The following CD44 variants were observed in gnomAD, a reference collection of about 807,000 sequenced individuals.
The protein encoded by CD44 is CD44 molecule (IN blood group).
A neutral mutation model predicts 88.8 loss-of-function variants in CD44; 49 were observed. That is an observed-to-expected ratio of 0.55 (90% CI 0.44 to 0.70). The LOEUF is 0.70. CD44 is among the 30% of genes least tolerant of loss of function. The pLI is 0.00. For synonymous variants in CD44, 325 were observed against 312.3 expected, an observed-to-expected ratio of 1.04 and a Z score of -0.43; for missense variants, 883 against 913.8, an observed-to-expected ratio of 0.97 and a Z score of 0.43.
intron 7 of CD44, among the ~76,000 whole-genome samples, chr11:35,199,870 C>CA (rs1947121569): frequency 6.8e-6 from 1 of 147,916 alleles, no homozygotes; most frequent in Non-Finnish European, 1.5e-5. Flanking sequence ...GGTGGTAACC[C>CA]AAACAGATCT....
chr11:35,201,737 T>C lies in CD44; in HGVS notation c.1103T>C (p.Ile368Thr), dbSNP rs781745139. ...AACCCAGAAGCACACCCTCCCCTCATTCACCATGAGCATCATGAGGAAGAA... is the reference window on the plus strand; with the variant it reads ...AACCCAGAAGCACACCCTCCCCTCACTCACCATGAGCATCATGAGGAAGAA... ...NWNPEAHPPL[I>T]HHEHHEEEET... The change falls in exon 9 of 18, where the codon ATT becomes ACT. Residue 368 changes from isoleucine (I) to threonine (T), a missense_variant. Transcript: ENST00000428726. 6.2e-7 allele frequency: 1 copy of C among 1,613,762 alleles called. No homozygotes were observed. Among genetic ancestry groups the C allele is most frequent in the Non-Finnish European group, 8.5e-7 (1 of 1,179,734 alleles).
At chr11:35,144,319 G>T (rs1858647969) in intron 1 of CD44, among the ~76,000 whole-genome samples, 1 of 152,212 alleles carries the variant, frequency 6.6e-6, no homozygotes, top group Admixed American at 6.5e-5. Flanking sequence ...GAAAGAATGA[G>T]CTGAAGCAGG....
At chr11:35,142,601 A>G (rs1858217402) in intron 1 of CD44, among the ~76,000 whole-genome samples, 1 of 152,208 alleles carries the variant, frequency 6.6e-6, no homozygotes, top group East Asian at 1.9e-4. Flanking sequence ...TCCCATGTGA[A>G]GGAGCAAAGA....
At chr11:35,153,474 C>G (rs913841641) in intron 1 of CD44, among the ~76,000 whole-genome samples, 1 of 152,194 alleles carries the variant, frequency 6.6e-6, no homozygotes, top group Admixed American at 6.5e-5. Flanking sequence ...TGACCTTTGA[C>G]TTGCCCAGAC....
chr11:35,150,869 G>A (rs1860185177), intron 1 of CD44, among the ~76,000 whole-genome samples: 1 of 152,212 alleles, frequency 6.6e-6, no homozygotes, highest in Admixed American at 6.5e-5. Flanking sequence ...ATAAGATGGT[G>A]ACAAACTGAC....
At chr11:35,198,811 T>G (rs1281040078) in intron 7 of CD44, among the ~76,000 whole-genome samples, 1 of 151,986 alleles carries the variant, frequency 6.6e-6, no homozygotes, top group Non-Finnish European at 1.5e-5. Context: ...ACCCCATCTC[T>G]ACTAAAAAAT....
intron 9 of CD44, among the ~76,000 whole-genome samples, chr11:35,204,285 C>A (rs1316177367): frequency 6.6e-6 from 1 of 152,088 alleles, no homozygotes; most frequent in Non-Finnish European, 1.5e-5. Flanking sequence ...TGATTTTGAA[C>A]AAATCAAAAC....
chr11:35,142,098 G>C (rs1402066430), intron 1 of CD44, among the ~76,000 whole-genome samples: 2 of 152,162 alleles, frequency 1.3e-5, no homozygotes, highest in African/African-American at 4.8e-5. Flanking sequence ...TGTGCAGGAG[G>C]AAGAAAGTGG....
intron 9 of CD44, 55 bp from the exon 10 acceptor site, chr11:35,204,457 G>T: frequency 6.3e-7 from 1 of 1,578,040 alleles, no homozygotes; most frequent in South Asian, 1.1e-5. Context: ...TATGTTGACA[G>T]CTATTGGTGA....
Position 35,219,830 on chromosome 11 carries a change from A to C in CD44, c.1945+443A>C, listed in dbSNP as rs186300812. The stretch of plus-strand genomic sequence containing the variant: ...GAGCTACAAGAGGCATTTATGTTAG[A>C]TGGAGTGAAAACTTTCTTTTGGTTC... On this transcript the variant is annotated intron_variant, in intron 16 of 17. Transcript: ENST00000428726. Among the ~76,000 whole-genome samples, 424 of 152,036 alleles carry C rather than the reference A, an allele frequency of 2.8e-3. 1 individual carries two copies. Among genetic ancestry groups the C allele is most frequent in the African/African-American group, 9.7e-3 (404 of 41,452 alleles).
chr11:35,179,461 G>A (rs1258828289), intron 2 of CD44, among the ~76,000 whole-genome samples: 1 of 152,148 alleles, frequency 6.6e-6, no homozygotes, highest in Non-Finnish European at 1.5e-5. Flanking sequence ...AGGCTGGGCT[G>A]TGTATGTTGT....
intron 4 of CD44, among the ~76,000 whole-genome samples, chr11:35,188,781 T>C (rs1945968084): frequency 6.6e-6 from 1 of 151,822 alleles, no homozygotes; most frequent in African/African-American, 2.4e-5. Context: ...CAACTAAAAA[T>C]ACAAAAATTA....
Position 35,164,002 on chromosome 11 carries a change from C to T in CD44, c.68-12573C>T, listed in dbSNP as rs149162965. Among the ~76,000 whole-genome samples the T allele has an allele frequency of 5.0e-3, 753 of 152,056 alleles. 4 individuals carry two copies. Among genetic ancestry groups the T allele is most frequent in the Middle Eastern group, 0.014 (4 of 294 alleles). ...TCATGTGACTACTGTGGGATTGAAA[C>T]GAGATAGTTCATGTGAAGTACCGAG... is the stretch of plus-strand genomic sequence containing the variant. On this transcript the variant is annotated intron_variant, in intron 1 of 17. Transcript: ENST00000428726.
chr11:35,152,071 G>A (rs973051980), intron 1 of CD44, among the ~76,000 whole-genome samples: 2 of 152,232 alleles, frequency 1.3e-5, no homozygotes, highest in Non-Finnish European at 2.9e-5. Flanking sequence ...AGATGAAAGG[G>A]TGGTATGTGC....
At chr11:35,197,016 C>T in intron 6 of CD44, 142 bp downstream of exon 6, 1 of 746,610 alleles carries the variant, frequency 1.3e-6, no homozygotes, top group Non-Finnish European at 2.2e-6. Flanking sequence ...ATCATTAACT[C>T]TGGTATCTGT....
chr11:35,139,996 C>T (rs1450119745), intron 1 of CD44, among the ~76,000 whole-genome samples: 1 of 152,250 alleles, frequency 6.6e-6, no homozygotes, highest in Non-Finnish European at 1.5e-5. Context: ...GGTCTTGGGT[C>T]TCCATGAGAT....
At chr11:35,162,291 T>C (rs193276) in intron 1 of CD44, among the ~76,000 whole-genome samples, 38,986 of 152,112 alleles carry the variant, frequency 0.26, 5,050 homozygotes, top group African/African-American at 0.29. Context: ...AGGTCACCAA[T>C]GTCTATGGTG....
At chr11:35,222,296 G>GT (rs1303977993) in intron 17 of CD44, 12 of 675,064 alleles carry the variant, frequency 1.8e-5, no homozygotes, top group South Asian at 1.4e-4. Flanking sequence ...TTTGTCGTTT[G>GT]TTTTTTTATT....
At chr11:35,148,742 A>G (rs1401205215) in intron 1 of CD44, among the ~76,000 whole-genome samples, 1 of 152,206 alleles carries the variant, frequency 6.6e-6, no homozygotes, top group Non-Finnish European at 1.5e-5. Flanking sequence ...CAGTTCCCCA[A>G]TTATAGTGGG....
Sources: gnomAD v4.1 joint callset for allele counts (sites outside exome capture counted in the v4.1 genomes callset) on GRCh38, gnomAD v4.1.1 for gene constraint, MANE v1.5 for transcripts, NCBI Gene and HGNC (gene_info 2026-07-23, HGNC 2026-07-21) for gene names.